SCFD2: variants seen among roughly 807,000 people sequenced by gnomAD.
SCFD2 encodes the protein sec1 family domain-containing protein 2.
A neutral mutation model predicts 58.9 loss-of-function variants in SCFD2; 54 were observed. The observed-to-expected ratio is 0.92, with a 90% CI of 0.74 to 1.15. SCFD2 has a LOEUF of 1.15. SCFD2 is among the 50% of genes most tolerant of loss of function. The probability of loss-of-function intolerance (pLI) is 0.00; values close to 1 mark genes in which losing one functional copy is unlikely to be tolerated. For synonymous variants in SCFD2, 321 were observed against 335.9 expected, an observed-to-expected ratio of 0.96 and a Z score of 0.49; for missense variants, 805 against 836.6, an observed-to-expected ratio of 0.96 and a Z score of 0.47.
chr4:53,215,405 C>T (rs907020816), intron 4 of SCFD2, among the ~76,000 whole-genome samples: 6 of 152,076 alleles, frequency 3.9e-5, no homozygotes, highest in African/African-American at 1.2e-4. Flanking sequence ...ATTTTATTCT[C>T]TTTGAAGCAA....
chr4:53,254,641 C>T (rs1730528339), intron 4 of SCFD2, among the ~76,000 whole-genome samples: 2 of 151,090 alleles, frequency 1.3e-5, no homozygotes, highest in Non-Finnish European at 3.0e-5. Context: ...ACCTGGCCGA[C>T]CCATGTCATT....
chr4:53,239,029 T>C (rs1045894598), intron 4 of SCFD2, among the ~76,000 whole-genome samples: 1 of 151,948 alleles, frequency 6.6e-6, no homozygotes, highest in African/African-American at 2.4e-5. Context: ...GTGGAGGTTG[T>C]AGCGAGCCGA....
intron 8 of SCFD2, among the ~76,000 whole-genome samples, chr4:52,884,811 A>G (rs891336739): frequency 1.3e-5 from 2 of 152,058 alleles, no homozygotes; most frequent in African/African-American, 4.8e-5. Context: ...TGAGCCTCAA[A>G]CCCTCCAGCA....
intron 5 of SCFD2, among the ~76,000 whole-genome samples, chr4:52,966,282 C>T (rs767017372): frequency 2.6e-5 from 4 of 152,198 alleles, no homozygotes; most frequent in East Asian, 1.9e-4. Context: ...ACTGATTATA[C>T]GTGTGTTTTT....
At chr4:53,080,711 A>G (rs553113625) in intron 5 of SCFD2, among the ~76,000 whole-genome samples, 27 of 152,228 alleles carry the variant, frequency 1.8e-4, no homozygotes, top group African/African-American at 6.0e-4. Flanking sequence ...CCTAAGAACT[A>G]TTTTTCATGC....
intron 5 of SCFD2, among the ~76,000 whole-genome samples, chr4:52,939,484 G>C (rs567161315): frequency 3.2e-4 from 48 of 152,056 alleles, no homozygotes; most frequent in Non-Finnish European, 5.7e-4. Context: ...CCAAACATAG[G>C]AACACTAGGA....
intron 5 of SCFD2, among the ~76,000 whole-genome samples, chr4:53,055,699 A>G (rs952956927): frequency 2.0e-5 from 3 of 152,202 alleles, no homozygotes; most frequent in African/African-American, 7.2e-5. Context: ...GAGTCTTATG[A>G]TGGGTACATG....
rs144334576 is a variant in SCFD2 at position 52,914,215 on chromosome 4, G to A, written c.1707+6510C>T. 4.6e-5 allele frequency among the ~76,000 whole-genome samples: 7 copies of A among 152,330 alleles called. No individual in the cohort carries two copies. In the East Asian group the frequency reaches 1.3e-3, roughly 29 times the overall value. On this transcript the variant is annotated intron_variant, in intron 6 of 8. Transcript: ENST00000401642. ...AAAAATGACCGCTGGTTGGTAAACT[G>A]CATTAAACTGAAAGAACTATAAAAA...
At chr4:52,914,795 A>AT (rs1266473880) in intron 6 of SCFD2, among the ~76,000 whole-genome samples, 2 of 152,050 alleles carry the variant, frequency 1.3e-5, no homozygotes, top group Non-Finnish European at 2.9e-5. Flanking sequence ...GCTTTTTACT[A>AT]TTTTTTATTT....
chr4:53,330,711 C>T (rs1050252080), intron 2 of SCFD2, among the ~76,000 whole-genome samples: 8 of 151,858 alleles, frequency 5.3e-5, no homozygotes, highest in Non-Finnish European at 1.0e-4. Flanking sequence ...CACCAGCTAA[C>T]ATCATAATGA....
chr4:53,232,373 A>G (rs1349390733), intron 4 of SCFD2, among the ~76,000 whole-genome samples: 2 of 152,154 alleles, frequency 1.3e-5, no homozygotes, highest in Non-Finnish European at 2.9e-5. Context: ...TAATCTATCA[A>G]TTTTTAACAC....
At chr4:52,936,458 A>AT (rs1341053124) in intron 5 of SCFD2, among the ~76,000 whole-genome samples, 8 of 152,156 alleles carry the variant, frequency 5.3e-5, no homozygotes, top group African/African-American at 1.9e-4. Flanking sequence ...AGGTACATAT[A>AT]TTTTTGTAAT....
rs1010180784 is a variant in SCFD2 at position 53,252,158 on chromosome 4, C to T, written c.1311+21668G>A. On this transcript the variant is annotated intron_variant, in intron 4 of 8. Transcript: ENST00000401642. ...AATTGCTTCAAAGAGAATAAAATAC[C>T]TAGGAATCCAACTTACAAGGGACGT... 2.9e-3 allele frequency among the ~76,000 whole-genome samples: 408 copies of T among 138,634 alleles called. 2 individuals carry two copies. Among genetic ancestry groups the T allele is most frequent in the African/African-American group, 0.01 (390 of 37,916 alleles). The allele number at this position is 138,634 out of a possible 152,430, so 90.9% of individuals were successfully genotyped here. A position where few individuals can be genotyped will look rare whatever the true frequency, so the allele number is the denominator to read the frequency against.
At chr4:52,876,351 G>A (rs1718473461) in intron 8 of SCFD2, among the ~76,000 whole-genome samples, 1 of 152,182 alleles carries the variant, frequency 6.6e-6, no homozygotes, top group Non-Finnish European at 1.5e-5. Flanking sequence ...TCTTATGAAA[G>A]CTAAGAACTT....
intron 6 of SCFD2, among the ~76,000 whole-genome samples, chr4:52,917,964 C>T (rs1324059359): frequency 6.6e-6 from 1 of 152,166 alleles, no homozygotes; most frequent in Non-Finnish European, 1.5e-5. Context: ...GACGGAGGAC[C>T]ACTGGGAGGG....
intron 5 of SCFD2, among the ~76,000 whole-genome samples, chr4:53,002,702 C>A (rs186931242): frequency 1.3e-5 from 2 of 152,278 alleles, no homozygotes; most frequent in African/African-American, 4.8e-5. Flanking sequence ...ACAAATGGGT[C>A]TCTACTACAT....
chr4:53,149,455 T>G (rs1185464224), intron 4 of SCFD2, among the ~76,000 whole-genome samples: 1 of 152,168 alleles, frequency 6.6e-6, no homozygotes, highest in African/African-American at 2.4e-5. Context: ...CAGTCCATAT[T>G]GATATAAATG....
chr4:52,936,763 C>G (rs180953507), intron 5 of SCFD2, among the ~76,000 whole-genome samples: 3 of 152,340 alleles, frequency 2.0e-5, no homozygotes, highest in East Asian at 3.9e-4. Flanking sequence ...GACATTGTAT[C>G]TGCTAGATCC....
chr4:53,365,137 C>T lies in SCFD2; in HGVS notation c.805G>A (p.Val269Met). 10 of 1,614,224 alleles carry T rather than the reference C, an allele frequency of 6.2e-6. No individual in the cohort carries two copies. The highest frequency in any genetic ancestry group is 8.5e-6 in the Non-Finnish European group (10 of 1,180,036). The change falls in exon 1 of 9, where the codon GTG (valine) becomes ATG (methionine). Residue 269 changes from valine (V) to methionine (M), a missense_variant. This residue lies in a region of SCFD2 where 633 missense variants were observed against 646.8 expected (regional missense o/e 0.98). Transcript: ENST00000401642. This position sits in a 1 kb window ranked among gnomAD's most constrained non-coding sequence, Gnocchi z 4.3. Reference sequence around the variant, plus strand: ...TCCAGGGTTCTGTCCACAAAAACCACTGATGCCCTGCCTGCAGCAGTCTTC... The same window carrying T: ...TCCAGGGTTCTGTCCACAAAAACCATTGATGCCCTGCCTGCAGCAGTCTTC... ...RKKTAAGRASVVFVDRTLDLT... is the reference protein window; with the variant it reads ...RKKTAAGRASMVFVDRTLDLT...
Sources: allele counts gnomAD v4.1 joint callset (sites outside exome capture counted in the v4.1 genomes callset), GRCh38; gene constraint gnomAD v4.1.1; regional missense constraint gnomAD v4.1.1; non-coding constraint Gnocchi (gnomAD v3.1); transcripts MANE v1.5; gene names NCBI Gene and HGNC (gene_info 2026-07-23, HGNC 2026-07-21).